The following PTPN13 variants were observed in gnomAD, a reference collection of about 807,000 sequenced individuals.
The protein encoded by PTPN13 is tyrosine-protein phosphatase non-receptor type 13.
PTPN13 carries 191 observed loss-of-function variants against 284.0 expected under a neutral mutation model. The observed-to-expected ratio is 0.67, with a 90% confidence interval of 0.60 to 0.76. PTPN13 has a LOEUF of 0.76. PTPN13 is among the 30% of genes least tolerant of loss of function. The probability of loss-of-function intolerance (pLI) is 0.00; values close to 1 mark genes in which losing one functional copy is unlikely to be tolerated. For missense variants in PTPN13, 2,797 were observed against 2,939.9 expected, an observed-to-expected ratio of 0.95 and a Z score of 1.12; for synonymous variants, 986 against 1,022.3, an observed-to-expected ratio of 0.96 and a Z score of 0.68.
intron 3 of PTPN13, among the ~76,000 whole-genome samples, chr4:86,677,787 G>A (rs1479395654): frequency 6.6e-6 from 1 of 152,152 alleles, no homozygotes; most frequent in East Asian, 1.9e-4. Flanking sequence ...TGTTATTGGA[G>A]TGTTAATGGC....
At position 86,683,150 on chromosome 4, in the gene PTPN13, CGTGTGTGT is replaced by C. The variant is rs59436322; in HGVS notation, c.295-3545_295-3538del. Among the ~76,000 whole-genome samples, 5 of 147,868 alleles carry C rather than the reference CGTGTGTGT, an allele frequency of 3.4e-5. No homozygotes were observed. The South Asian group carries it at 8.6e-4, about 25-fold the overall frequency. ...AGAAACAGAACCAATAGGGTGTGTG[CGTGTGTGT>C]GTGTGTGTGTGTGTATTTGTATGTA... is the stretch of plus-strand genomic sequence containing the variant. On this transcript the variant is annotated intron_variant, in intron 3 of 47. Coordinates refer to ENST00000411767, the MANE Select transcript of PTPN13 (RefSeq NM_080683.3).
chr4:86,673,301 A>T (rs1031173923), intron 3 of PTPN13, among the ~76,000 whole-genome samples: 1 of 152,206 alleles, frequency 6.6e-6, no homozygotes, highest in African/African-American at 2.4e-5. Flanking sequence ...TTAGTGTAGA[A>T]TGATATCACA....
intron 17 of PTPN13, among the ~76,000 whole-genome samples, chr4:86,746,667 T>C (rs1023866631): frequency 1.3e-5 from 2 of 152,200 alleles, no homozygotes; most frequent in Non-Finnish European, 2.9e-5. Context: ...ATACGGAGTT[T>C]CGCTCTTGTC....
At chr4:86,664,991 A>G (rs1021197633) in intron 2 of PTPN13, among the ~76,000 whole-genome samples, 1 of 151,954 alleles carries the variant, frequency 6.6e-6, no homozygotes, top group Non-Finnish European at 1.5e-5. Context: ...GCTTCCCTCT[A>G]TCCACGTTGT....
rs757229248 is a variant in PTPN13 at position 86,809,881 on chromosome 4, A to G, written c.7196A>G (p.His2399Arg). ...TTTATCTCCTACATGAGACACATCC[A>G]CAGATCAGGCCCAATCATTACGCAC... is the stretch of plus-strand genomic sequence containing the variant. ...LTFISYMRHI[H>R]RSGPIITHCS... Residue 2399 changes from histidine to arginine, a missense_variant, in exon 46 of 48, where the codon CAC becomes CGC. By Grantham distance (29) the His-to-Arg change is conservative. Coordinates refer to ENST00000411767, the MANE Select transcript of PTPN13 (RefSeq NM_080683.3). 3 of 1,614,014 alleles carry G rather than the reference A, an allele frequency of 1.9e-6. No individual in the cohort carries two copies. The South Asian group carries it at 3.3e-5, about 18-fold the overall frequency.
chr4:86,753,644 A>G (rs1055825255), intron 20 of PTPN13, among the ~76,000 whole-genome samples: 5 of 152,122 alleles, frequency 3.3e-5, no homozygotes, highest in African/African-American at 1.2e-4. Context: ...AAGAAACAAA[A>G]TCGTAGGCAG....
intron 13 of PTPN13, 76 bp from the exon 14 acceptor site, chr4:86,734,661 T>C: frequency 6.7e-7 from 1 of 1,497,268 alleles, no homozygotes; most frequent in Non-Finnish European, 9.0e-7. Context: ...GAAATTAACC[T>C]TACATGCCTA....
chr4:86,786,869 C>T (rs925298859), intron 40 of PTPN13, among the ~76,000 whole-genome samples: 6 of 151,958 alleles, frequency 3.9e-5, no homozygotes, highest in Admixed American at 3.3e-4. Context: ...TTTGGAAGGC[C>T]GAGGAGGGCA....
In PTPN13 at chr4:86,693,624, A is replaced by G; in HGVS notation, c.584A>G (p.Asp195Gly). Residue 195 changes from aspartate (D) to glycine (G), a missense_variant, in exon 6 of 48, where the codon GAT (aspartate) becomes GGT (glycine). Asp to Gly is a moderately conservative substitution (Grantham distance 94). Coordinates refer to ENST00000411767, the MANE Select transcript of PTPN13 (RefSeq NM_080683.3). ...QLSCNSEQKP[D>G]RSQAIRDRLR... Reference sequence around the variant, plus strand: ...TCCTGTAACAGTGAACAAAAGCCTGATCGAAGCCAGGCTATTCGAGATCGA... The same window carrying G: ...TCCTGTAACAGTGAACAAAAGCCTGGTCGAAGCCAGGCTATTCGAGATCGA... 3 of 1,557,754 alleles carry G rather than the reference A, an allele frequency of 1.9e-6. No homozygotes were observed. Among genetic ancestry groups the G allele is most frequent in the Non-Finnish European group, 1.7e-6 (2 of 1,148,232 alleles).
At chr4:86,736,768 G>A (rs1735566766) in intron 15 of PTPN13, among the ~76,000 whole-genome samples, 1 of 152,214 alleles carries the variant, frequency 6.6e-6, no homozygotes, top group African/African-American at 2.4e-5. Context: ...ATTTCAACTA[G>A]CTGAGTGACC....
At chr4:86,712,719 G>T (rs72872228) in intron 7 of PTPN13, among the ~76,000 whole-genome samples, 8 of 151,954 alleles carry the variant, frequency 5.3e-5, no homozygotes, top group Admixed American at 1.3e-4. Flanking sequence ...CCTCCTCCCC[G>T]AAGGTGTATT....
intron 42 of PTPN13, among the ~76,000 whole-genome samples, chr4:86,803,064 C>G (rs1260513473): frequency 1.5e-5 from 2 of 136,088 alleles, no homozygotes. Context: ...CAGAATAAGA[C>G]TGTGTGTGTG....
chr4:86,803,734 G>A lies in PTPN13; in HGVS notation c.6531G>A (p.Glu2177=), dbSNP rs1234104181. Residue 2177 remains glutamate, a synonymous_variant, in exon 43 of 48, where the codon GAG becomes GAA. Transcript: ENST00000411767. The part of the protein sequence containing the change: ...DKDHSFLTND[E]LAVLPVVKVL... ...ATCATTCCTTTCTGACAAACGATGA[G>A]CTCGCTGTACTCCCTGTCGTCAAAG... 6.2e-7 allele frequency: 1 copy of A among 1,613,682 alleles called. No homozygotes were observed. Among genetic ancestry groups the A allele is most frequent in the Admixed American group, 1.7e-5 (1 of 60,006 alleles).
chr4:86,751,173 G>A (rs1263392004), intron 19 of PTPN13, 49 bp downstream of exon 19: 1 of 1,299,264 alleles, frequency 7.7e-7, no homozygotes, highest in Middle Eastern at 1.9e-4. Flanking sequence ...CATGCTCAGA[G>A]GGAAGTGAAC....
intron 1 of PTPN13, among the ~76,000 whole-genome samples, chr4:86,598,382 C>A (rs1243787182): frequency 6.6e-6 from 1 of 151,968 alleles, no homozygotes; most frequent in East Asian, 1.9e-4. Flanking sequence ...TGACCTCAAG[C>A]GATCGGCCTG....
chr4:86,750,234 C>G (rs539014629), intron 17 of PTPN13, among the ~76,000 whole-genome samples: 2 of 152,190 alleles, frequency 1.3e-5, no homozygotes, highest in East Asian at 3.9e-4. Context: ...TTAGATGAAG[C>G]AGGAAATGTT....
chr4:86,714,637 G>A (rs1358739494), intron 7 of PTPN13, among the ~76,000 whole-genome samples: 1 of 151,948 alleles, frequency 6.6e-6, no homozygotes, highest in Non-Finnish European at 1.5e-5. Flanking sequence ...TTACCATCTA[G>A]TCCTTCTTTA....
intron 2 of PTPN13, among the ~76,000 whole-genome samples, chr4:86,644,308 G>A (rs1462556647): frequency 6.6e-6 from 1 of 151,864 alleles, no homozygotes; most frequent in Admixed American, 6.6e-5. Context: ...AATTTTTTTT[G>A]TGTGTATTTT....
At chr4:86,614,932 T>C (rs1360772545) in intron 1 of PTPN13, among the ~76,000 whole-genome samples, 1 of 152,158 alleles carries the variant, frequency 6.6e-6, no homozygotes, top group Non-Finnish European at 1.5e-5. Flanking sequence ...TAATTACTAA[T>C]TGAAGTAGGG....
Sources: allele counts gnomAD v4.1 joint callset (sites outside exome capture counted in the v4.1 genomes callset), GRCh38; gene constraint gnomAD v4.1.1; transcripts MANE v1.5; gene names NCBI Gene and HGNC (gene_info 2026-07-23, HGNC 2026-07-21).